ELOVL2: variants seen among roughly 807,000 people sequenced by gnomAD.
ELOVL2 encodes ELOVL fatty acid elongase 2, also known as very long chain fatty acid elongase 2.
In ELOVL2, 38 loss-of-function variants were observed where a neutral mutation model predicts 37.7. The observed-to-expected ratio is 1.01, with a 90% CI of 0.78 to 1.32. ELOVL2 has a LOEUF of 1.32. ELOVL2 is among the 40% of genes most tolerant of loss of function. The pLI is 0.00. For synonymous variants in ELOVL2, 115 were observed against 122.3 expected (o/e 0.94, Z 0.40); for missense variants, 352 against 363.6 (o/e 0.97, Z 0.26).
intron 3 of ELOVL2, among the ~76,000 whole-genome samples, chr6:11,003,180 A>G (rs1310750483): frequency 1.3e-5 from 2 of 152,200 alleles, no homozygotes; most frequent in African/African-American, 2.4e-5. Context: ...ATACATGTGC[A>G]GAATGTGCAG....
intron 1 of ELOVL2, among the ~76,000 whole-genome samples, chr6:11,027,993 C>T (rs1364906043): frequency 6.6e-6 from 1 of 152,184 alleles, no homozygotes; most frequent in East Asian, 1.9e-4. Context: ...CTTTCTTACT[C>T]TGAACATCGT....
Position 10,982,198 on chromosome 6 carries a change from A to G in ELOVL2, c.*1583T>C, listed in dbSNP as rs1377303825. ...CTATCCTAAGCATTAGGCACCTTCC[A>G]AAAAATATGCCCAAATCCTCAGAGG... On this transcript the variant is annotated 3_prime_UTR_variant, in exon 8 of 8. Coordinates refer to ENST00000354666, the MANE Select transcript of ELOVL2 (RefSeq NM_017770.4). 1 of 152,194 alleles carries G rather than the reference A, an allele frequency of 6.6e-6. No homozygotes were observed. The highest frequency in any genetic ancestry group is 2.4e-5 in the African/African-American group (1 of 41,434). The allele number at this position is 152,194 out of a possible 1,614,324, so 9.4% of individuals were successfully genotyped here.
chr6:10,983,965 C>A lies in ELOVL2; in HGVS notation c.766-59G>T. 2.7e-6 allele frequency: 4 copies of A among 1,458,314 alleles called. No individual in the cohort carries two copies. In the African/African-American group the frequency reaches 5.7e-5, roughly 21 times the overall value. 90.3% of individuals were successfully genotyped at this position (1,458,314 alleles called of 1,614,324 possible). A position where few individuals can be genotyped will look rare whatever the true frequency, so the allele number is the denominator to read the frequency against. Reference sequence around the variant, plus strand: ...AAAAGGTTATTTAATAAGACCTTGTCTTTAACAGTGCATATAGTTAAAACA... The same window carrying A: ...AAAAGGTTATTTAATAAGACCTTGTATTTAACAGTGCATATAGTTAAAACA... On this transcript the variant is annotated intron_variant, in intron 7 of 7. Transcript: ENST00000354666.
intron 1 of ELOVL2, among the ~76,000 whole-genome samples, chr6:11,016,348 C>T (rs1468899559): frequency 6.6e-6 from 1 of 152,128 alleles, no homozygotes; most frequent in Non-Finnish European, 1.5e-5. Flanking sequence ...TATTTTCTAC[C>T]ACCAACTCAC....
chr6:10,990,161 C>T (rs548395051), intron 6 of ELOVL2, among the ~76,000 whole-genome samples, 157 bp downstream of exon 6: 1 of 152,248 alleles, frequency 6.6e-6, no homozygotes, highest in Admixed American at 6.5e-5. Flanking sequence ...GCACAAAGGG[C>T]ATTTCAACAC....
At chr6:11,009,950 G>A (rs1049584682) in intron 2 of ELOVL2, among the ~76,000 whole-genome samples, 1 of 152,102 alleles carries the variant, frequency 6.6e-6, no homozygotes, top group Admixed American at 6.5e-5. Flanking sequence ...TAAGCGACTG[G>A]TGATGAAGGA....
In ELOVL2 at chr6:10,983,742, C is replaced by T; in HGVS notation, c.*39G>A. On this transcript the variant is annotated 3_prime_UTR_variant, in exon 8 of 8. Transcript: ENST00000354666. ...AGTCTTTGCTTTAAAACAAGCCAAT[C>T]TGTTAGGCTAGTATATGTGCTTTTT... is the stretch of plus-strand genomic sequence containing the variant. 6.4e-7 allele frequency: 1 copy of T among 1,554,766 alleles called. No homozygotes were observed.
chr6:10,991,979 T>C (rs1150558), intron 5 of ELOVL2, among the ~76,000 whole-genome samples: 3,262 of 152,342 alleles, frequency 0.021, 94 homozygotes, highest in African/African-American at 0.06. Flanking sequence ...TCACAGTATT[T>C]ACAGGACTAT....
chr6:11,026,197 A>G (rs1782836143), intron 1 of ELOVL2, among the ~76,000 whole-genome samples: 1 of 152,216 alleles, frequency 6.6e-6, no homozygotes, highest in African/African-American at 2.4e-5. Context: ...TCTCCAGAGA[A>G]GACTTAAAGT....
chr6:11,030,815 T>C (rs1782919154), intron 1 of ELOVL2, among the ~76,000 whole-genome samples: 1 of 152,102 alleles, frequency 6.6e-6, no homozygotes, highest in Admixed American at 6.6e-5. Context: ...TAAACTAATT[T>C]AAATAAACAC....
At position 11,029,223 on chromosome 6, in the gene ELOVL2, C is replaced by CAA. The variant is rs376639413; in HGVS notation, c.3+15003_3+15004dup. Among the ~76,000 whole-genome samples the CAA allele has an allele frequency of 8.9e-3, 668 of 75,392 alleles. 28 individuals are homozygous for CAA. The highest frequency in any genetic ancestry group is 0.017 in the African/African-American group (328 of 19,226). 49.5% of individuals were successfully genotyped at this position (75,392 alleles called of 152,430 possible). A position where few individuals can be genotyped will look rare whatever the true frequency, so the allele number is the denominator to read the frequency against. On this transcript the variant is annotated intron_variant, in intron 1 of 7. Transcript: ENST00000354666. ...AGCCCGGGGCGACAGAGGGAGATCT[C>CAA]AAAAAAAAAAAAAAAAAAAAAAAAA...
chr6:11,017,354 G>A (rs992753305), intron 1 of ELOVL2, among the ~76,000 whole-genome samples: 1 of 152,138 alleles, frequency 6.6e-6, no homozygotes, highest in African/African-American at 2.4e-5. Context: ...CAATGAATCA[G>A]TGTTTTTCAG....
intron 7 of ELOVL2, among the ~76,000 whole-genome samples, chr6:10,987,972 C>T (rs571134807): frequency 6.6e-6 from 1 of 152,146 alleles, no homozygotes; most frequent in South Asian, 2.1e-4. Flanking sequence ...GCAGTTTGAA[C>T]CAGCATGTAG....
chr6:11,014,445 C>A (rs1782638402), intron 1 of ELOVL2, among the ~76,000 whole-genome samples: 1 of 149,632 alleles, frequency 6.7e-6, no homozygotes, highest in Non-Finnish European at 1.5e-5. Context: ...CACCACTGCA[C>A]TCCAGCCTGG....
chr6:11,011,565 T>C (rs975701723), intron 1 of ELOVL2, among the ~76,000 whole-genome samples: 1 of 152,198 alleles, frequency 6.6e-6, no homozygotes, highest in African/African-American at 2.4e-5. Flanking sequence ...CTGAACTGTA[T>C]TTCGTAAAAC....
chr6:11,038,134 T>C (rs944010720), intron 1 of ELOVL2, among the ~76,000 whole-genome samples: 1 of 152,196 alleles, frequency 6.6e-6, no homozygotes, highest in African/African-American at 2.4e-5. Flanking sequence ...TTTGAAACTG[T>C]AAAGTAGGTA....
chr6:10,983,715 T>G lies in ELOVL2; in HGVS notation c.*66A>C. 1.4e-5 allele frequency: 21 copies of G among 1,498,870 alleles called. No individual in the cohort carries two copies. Among genetic ancestry groups the G allele is most frequent in the Non-Finnish European group, 1.9e-5 (21 of 1,117,470 alleles). The allele number at this position is 1,498,870 out of a possible 1,614,324, so 92.8% of individuals were successfully genotyped here. A position where few individuals can be genotyped will look rare whatever the true frequency, so the allele number is the denominator to read the frequency against. ...TATCCTAAAACATGTAACCTTCAAT[T>G]CAGTCTTTGCTTTAAAACAAGCCAA... On this transcript the variant is annotated 3_prime_UTR_variant, in exon 8 of 8. Coordinates refer to ENST00000354666, the MANE Select transcript of ELOVL2 (RefSeq NM_017770.4).
chr6:11,038,961 G>A (rs545515873), intron 1 of ELOVL2, among the ~76,000 whole-genome samples: 72 of 152,330 alleles, frequency 4.7e-4, no homozygotes, highest in African/African-American at 1.7e-3. Flanking sequence ...AGGATCAGGT[G>A]TGGTACATAT....
chr6:11,027,496 C>T (rs1357540113), intron 1 of ELOVL2, among the ~76,000 whole-genome samples: 1 of 152,186 alleles, frequency 6.6e-6, no homozygotes, highest in Non-Finnish European at 1.5e-5. Context: ...TAAGGTAGCA[C>T]ATTCCATTTT....
Sources: gnomAD v4.1 joint callset for allele counts (sites outside exome capture counted in the v4.1 genomes callset) on GRCh38, gnomAD v4.1.1 for gene constraint, MANE v1.5 for transcripts, NCBI Gene and HGNC (gene_info 2026-07-23, HGNC 2026-07-21) for gene names.